The following METAP2 variants were observed in gnomAD, a reference collection of about 807,000 sequenced individuals.
METAP2 encodes methionyl aminopeptidase 2, also known as methionine aminopeptidase 2.
A neutral mutation model predicts 59.4 loss-of-function variants in METAP2; 25 were observed. The ratio of observed to expected loss-of-function variants is 0.42; its 90% CI spans 0.31 to 0.59. The LOEUF (loss-of-function observed/expected upper bound fraction) is 0.59. METAP2 is among the 20% of genes least tolerant of loss of function. The pLI is 0.16. For missense variants in METAP2, 366 were observed against 581.2 expected (o/e 0.63, Z 3.81); for synonymous variants, 214 against 194.1 (o/e 1.10, Z -0.85).
intron 3 of METAP2, 30 bp from the exon 4 acceptor site, chr12:95,485,849 A>G: frequency 1.5e-6 from 2 of 1,362,358 alleles, no homozygotes; most frequent in Non-Finnish European, 2.0e-6. Context: ...TTTTAACTAC[A>G]GAAGTTAATG....
intron 8 of METAP2, among the ~76,000 whole-genome samples, chr12:95,508,948 CATG>C (rs151269180): frequency 0.076 from 11,531 of 152,108 alleles, 566 homozygotes; most frequent in African/African-American, 0.13. Flanking sequence ...GTGGAAAAAT[CATG>C]ATAATAGGGA....
At chr12:95,507,777 A>ATTT (rs1381081407) in intron 8 of METAP2, among the ~76,000 whole-genome samples, 18 of 140,672 alleles carry the variant, frequency 1.3e-4, no homozygotes, top group African/African-American at 4.2e-4. Flanking sequence ...GATTCTCATG[A>ATTT]TTTTTTTTTT....
At chr12:95,487,981 GGTAGCT>G (rs745454490) in intron 4 of METAP2, among the ~76,000 whole-genome samples, 1 of 151,374 alleles carries the variant, frequency 6.6e-6, no homozygotes, top group Non-Finnish European at 1.5e-5. Context: ...TAGGTAAATA[GGTAGCT>G]GGATATGTAG....
At chr12:95,494,269 A>G (rs564385859) in intron 5 of METAP2, 52 bp downstream of exon 5, 3 of 1,506,856 alleles carry the variant, frequency 2.0e-6, no homozygotes, top group Non-Finnish European at 1.8e-6. Flanking sequence ...TTTATTAAGT[A>G]CTAACTCTCC....
At chr12:95,496,244 G>A in intron 7 of METAP2, 146 bp downstream of exon 7, 1 of 520,452 alleles carries the variant, frequency 1.9e-6, no homozygotes, top group Non-Finnish European at 3.4e-6. Context: ...TTTCCCTTAT[G>A]GTTTTAAGCG....
intron 7 of METAP2, among the ~76,000 whole-genome samples, chr12:95,497,092 T>C (rs2076281130): frequency 6.6e-6 from 1 of 152,206 alleles, no homozygotes; most frequent in South Asian, 2.1e-4. Context: ...CCCAAAGTGC[T>C]GGGATTACAG....
At chr12:95,502,974 A>G (rs983163761) in intron 7 of METAP2, among the ~76,000 whole-genome samples, 10 of 141,340 alleles carry the variant, frequency 7.1e-5, no homozygotes, top group South Asian at 2.3e-4. Flanking sequence ...GGCTCTCTCA[A>G]TGTCTTCCTT....
chr12:95,507,989 G>T (rs1398180369), intron 8 of METAP2, among the ~76,000 whole-genome samples: 2 of 146,406 alleles, frequency 1.4e-5, no homozygotes, highest in Non-Finnish European at 1.5e-5. Flanking sequence ...CTCCATGTTG[G>T]TCAGGCGGTC....
chr12:95,485,046 A>G (rs1436625812), intron 3 of METAP2, among the ~76,000 whole-genome samples: 1 of 152,244 alleles, frequency 6.6e-6, no homozygotes, highest in Non-Finnish European at 1.5e-5. Context: ...TGGGAAAATT[A>G]TAAATGTTAG....
At chr12:95,475,880 T>A (rs926097026) in intron 1 of METAP2, among the ~76,000 whole-genome samples, 191 bp from the exon 2 acceptor site, 2 of 152,252 alleles carry the variant, frequency 1.3e-5, no homozygotes, top group Non-Finnish European at 2.9e-5. Context: ...TTGAGTAAAT[T>A]AATGAATGGA....
rs1257977826 is a variant in METAP2 at position 95,513,670 on chromosome 12, C to T, written c.1203C>T (p.His401=). 1.2e-6 allele frequency: 2 copies of T among 1,613,728 alleles called. No homozygotes were observed. The highest frequency in any genetic ancestry group is 3.3e-5 in the Admixed American group (2 of 59,938). Residue 401 remains histidine, a synonymous_variant, in exon 11 of 11, where the codon CAC becomes CAT. Transcript: ENST00000323666. ...HVPIRLPRTK[H]LLNVINENFG... The stretch of plus-strand genomic sequence containing the variant: ...CTCTTAGGCTTCCAAGAACAAAACA[C>T]TTGTTAAATGTCATCAATGAAAACT...
intron 6 of METAP2, among the ~76,000 whole-genome samples, chr12:95,495,605 C>G (rs941477085): frequency 9.9e-5 from 15 of 152,192 alleles, no homozygotes; most frequent in Admixed American, 2.6e-4. Flanking sequence ...AGAATAAATA[C>G]TTGCCTAAGG....
chr12:95,494,057 C>A lies in METAP2; in HGVS notation c.430C>A (p.Arg144=). The change falls in exon 5 of 11, where the codon CGA becomes AGA. Residue 144 remains arginine, a splice_region_variant and synonymous_variant. Transcript: ENST00000323666. ...ECEYPPTQDG[R]TAAWRTTSEE... ...TAGTATTCTATGCCCACTCTAAAGGCGAACAGCTGCTTGGAGAACTACAAG... is the reference window on the plus strand; with the variant it reads ...TAGTATTCTATGCCCACTCTAAAGGAGAACAGCTGCTTGGAGAACTACAAG... 1.2e-6 allele frequency: 2 copies of A among 1,613,258 alleles called. No homozygotes were observed. The highest frequency in any genetic ancestry group is 1.7e-6 in the Non-Finnish European group (2 of 1,179,558).
rs2076436029 is a variant in METAP2, at chr12:95,514,978, G to GTAA, written c.*1077_*1079dup. On this transcript the variant is annotated 3_prime_UTR_variant, in exon 11 of 11. Coordinates refer to ENST00000323666, the MANE Select transcript of METAP2 (RefSeq NM_006838.4). ...GTGTATTAAGTTGAATGTAACGATGGTAATATTAATTTGTTTGAACTGAGG... is the reference window on the plus strand; with the variant it reads ...GTGTATTAAGTTGAATGTAACGATGGTAATAATATTAATTTGTTTGAACTGAGG... The GTAA allele has an allele frequency of 6.6e-6, 1 of 152,546 alleles. No individual in the cohort carries two copies. Among genetic ancestry groups the GTAA allele is most frequent in the Non-Finnish European group, 1.5e-5 (1 of 68,028 alleles). The allele number at this position is 152,546 out of a possible 1,614,324, so 9.4% of individuals were successfully genotyped here.
chr12:95,504,123 A>G lies in METAP2; in HGVS notation c.926A>G (p.Glu309Gly). 1 of 1,612,484 alleles carries G rather than the reference A, an allele frequency of 6.2e-7. No homozygotes were observed. Among genetic ancestry groups the G allele is most frequent in the Non-Finnish European group, 8.5e-7 (1 of 1,178,594 alleles). Reference protein sequence around the residue: ...DVGEAIQEVMESYEVEIDGKT... With the variant: ...DVGEAIQEVMGSYEVEIDGKT... ...GGTGAGGCCATCCAAGAAGTTATGG[A>G]GTCCTATGAAGTTGAAATAGATGGG... The change falls in exon 8 of 11, where the codon GAG becomes GGG. Residue 309 changes from glutamate (E) to glycine (G), a missense_variant. Around this residue, in one of 4 missense-constraint regions of METAP2, gnomAD observed 106 missense variants for 221.9 expected, o/e 0.48. Coordinates refer to ENST00000323666, the MANE Select transcript of METAP2 (RefSeq NM_006838.4).
chr12:95,510,710 G>T (rs1165278923), intron 8 of METAP2, among the ~76,000 whole-genome samples: 1 of 152,202 alleles, frequency 6.6e-6, no homozygotes, highest in Admixed American at 6.5e-5. Context: ...ATCTTGGCTT[G>T]TGGGGTCAGT....
intron 7 of METAP2, among the ~76,000 whole-genome samples, chr12:95,500,151 G>GT (rs202185818): frequency 0.082 from 11,848 of 145,280 alleles, 590 homozygotes; most frequent in African/African-American, 0.14. Flanking sequence ...TAATTCCTAA[G>GT]TTTTTTTTTT....
chr12:95,508,922 T>G (rs1326924988), intron 8 of METAP2, among the ~76,000 whole-genome samples: 1 of 151,872 alleles, frequency 6.6e-6, no homozygotes, highest in African/African-American at 2.4e-5. Flanking sequence ...ATTTTTATAG[T>G]TTAAGCAGAG....
In METAP2 at chr12:95,514,145, T is replaced by A; in HGVS notation, c.*241T>A. 2.0e-6 allele frequency: 1 copy of A among 498,236 alleles called. No homozygotes were observed. Among genetic ancestry groups the A allele is most frequent in the Non-Finnish European group, 3.5e-6 (1 of 287,772 alleles). The allele number at this position is 498,236 out of a possible 1,614,324, so 30.9% of individuals were successfully genotyped here. ...CCCCTTCCTGTCTAGGAAAATGCTA[T>A]AAAGCTCAAATTAGTTAGGAATGAC... On this transcript the variant is annotated 3_prime_UTR_variant, in exon 11 of 11. Coordinates refer to ENST00000323666, the MANE Select transcript of METAP2 (RefSeq NM_006838.4).
Sources: gnomAD v4.1 joint callset for allele counts (sites outside exome capture counted in the v4.1 genomes callset) on GRCh38, gnomAD v4.1.1 for gene constraint, gnomAD v4.1.1 regional missense constraint, MANE v1.5 for transcripts, NCBI Gene and HGNC (gene_info 2026-07-23, HGNC 2026-07-21) for gene names.